Variants in MACF1 observed in about 807,000 individuals in gnomAD.
MACF1 encodes the protein microtubule-actin cross-linking factor 1.
A neutral mutation model predicts 854.8 loss-of-function variants in MACF1; 193 were observed. The observed-to-expected ratio is 0.23, with a 90% CI of 0.20 to 0.25. The LOEUF (loss-of-function observed/expected upper bound fraction) is 0.25. Among genes scored for constraint, MACF1 ranks in the 10% least tolerant of loss-of-function variants. The probability of loss-of-function intolerance (pLI) is 1.00; values close to 1 mark genes in which losing one functional copy is unlikely to be tolerated. For synonymous variants in MACF1, 3,185 were observed against 3,226.7 expected, an observed-to-expected ratio of 0.99 and a Z score of 0.44; for missense variants, 7,722 against 8,929.1, an observed-to-expected ratio of 0.86 and a Z score of 5.45.
chr1:39,465,047 T>C (rs766781228), intron 94 of MACF1, 48 bp from the exon 95 acceptor site: 22 of 1,572,220 alleles, frequency 1.4e-5, no homozygotes, highest in Non-Finnish European at 1.7e-5. Flanking sequence ...AATGTTCTCT[T>C]TTTTTTTCCC....
Position 39,333,803 on chromosome 1 carries a change from G to C in MACF1, c.7215G>C (p.Gln2405His). 1 of 1,614,198 alleles carries C rather than the reference G, an allele frequency of 6.2e-7. No homozygotes were observed. Among genetic ancestry groups the C allele is most frequent in the Non-Finnish European group, 8.5e-7 (1 of 1,180,028 alleles). The change falls in exon 37 of 101, where the codon CAG becomes CAC. Residue 2405 changes from glutamine to histidine, a missense_variant. Gln to His is a conservative substitution (Grantham distance 24). Around this residue, in one of 15 missense-constraint regions of MACF1, gnomAD observed 1,531 missense variants for 1,601.6 expected, o/e 0.96. Coordinates refer to ENST00000564288, the MANE Select transcript of MACF1 (RefSeq NM_001394062.1). ...KETATRILER[Q>H]VVTGGIIDLK... ...CAGCCACCAGAATTTTAGAGAGGCA[G>C]GTGGTGACTGGTGGAATTATTGATC... is the stretch of plus-strand genomic sequence containing the variant.
At position 39,311,056 on chromosome 1, in the gene MACF1, A is replaced by G. The variant is rs1646289740; in HGVS notation, c.3270+56A>G. ...TGTGGAGTGAATGCTTTCAGAGTTC[A>G]TTGGATGGCAAGAGTATGGCACCTA... On this transcript the variant is annotated intron_variant, in intron 26 of 100. Coordinates refer to ENST00000564288, the MANE Select transcript of MACF1 (RefSeq NM_001394062.1). 2.6e-6 allele frequency: 4 copies of G among 1,563,830 alleles called. No individual in the cohort carries two copies. In the South Asian group the frequency reaches 4.8e-5, roughly 19 times the overall value.
At chr1:39,415,653 G>A (rs1342235937) in intron 58 of MACF1, among the ~76,000 whole-genome samples, 9 of 151,724 alleles carry the variant, frequency 5.9e-5, no homozygotes, top group East Asian at 5.8e-4. Context: ...GAGCCACCGC[G>A]CCCAGCCGGC....
rs370428200 is a variant in MACF1 at position 39,387,996 on chromosome 1, C to T, written c.15154C>T (p.Leu5052=). Reference sequence around the variant, plus strand: ...CTGTAGCAACAAGAACCTGGAGAAGCTAAGAGCTCAACAGGAAGTGCTGCA... The same window carrying T: ...CTGTAGCAACAAGAACCTGGAGAAGTTAAGAGCTCAACAGGAAGTGCTGCA... ...QACSNKNLEK[L]RAQQEVLQAL... is the part of the protein sequence containing the mutation. The change falls in exon 58 of 101, where the codon CTA becomes TTA. Residue 5052 remains leucine, a synonymous_variant. Transcript: ENST00000564288. 6.2e-7 allele frequency: 1 copy of T among 1,614,026 alleles called. No homozygotes were observed. Among genetic ancestry groups the T allele is most frequent in the African/African-American group, 1.3e-5 (1 of 74,992 alleles).
intron 6 of MACF1, among the ~76,000 whole-genome samples, chr1:39,271,414 G>C (rs559900653): frequency 2.0e-5 from 3 of 152,062 alleles, no homozygotes; most frequent in Non-Finnish European, 4.4e-5. Flanking sequence ...CAGCACCAAG[G>C]GGATGGTGCT....
intron 44 of MACF1, among the ~76,000 whole-genome samples, chr1:39,355,894 G>T (rs1647517719): frequency 6.6e-6 from 1 of 152,004 alleles, no homozygotes; most frequent in South Asian, 2.1e-4. Flanking sequence ...AGACAGTCTT[G>T]CTATGTTGTT....
At position 39,105,394 on chromosome 1, in the gene MACF1, C is replaced by A. The variant is rs1009696231; in HGVS notation, c.220+20956C>A. On this transcript the variant is annotated intron_variant, in intron 2 of 93. Coordinates refer to the MACF1 transcript ENST00000361689. This position sits in a 1 kb window ranked among gnomAD's most constrained non-coding sequence, Gnocchi z 5.9. ...GAGGAGCGGAGCCGAGGGGTGAGGACGCGGAAACGCGAGCCGGGACCGGCG... is the reference window on the plus strand; with the variant it reads ...GAGGAGCGGAGCCGAGGGGTGAGGAAGCGGAAACGCGAGCCGGGACCGGCG... The A allele has an allele frequency of 6.1e-6, 6 of 986,738 alleles. No individual in the cohort carries two copies. Among genetic ancestry groups the A allele is most frequent in the Non-Finnish European group, 7.2e-6 (6 of 831,916 alleles). 61.1% of individuals were successfully genotyped at this position (986,738 alleles called of 1,614,324 possible).
At chr1:39,095,747 T>C (rs1641921828) in intron 2 of MACF1, among the ~76,000 whole-genome samples, 1 of 150,360 alleles carries the variant, frequency 6.7e-6, no homozygotes, top group South Asian at 2.1e-4. Context: ...TGGTGGTGCA[T>C]GCCTGTAGTC....
chr1:39,418,574 A>G (rs962527898), intron 58 of MACF1, among the ~76,000 whole-genome samples: 1 of 152,252 alleles, frequency 6.6e-6, no homozygotes, highest in Non-Finnish European at 1.5e-5. Flanking sequence ...GAAAAATGCA[A>G]TAACAAGGCT....
intron 35 of MACF1, among the ~76,000 whole-genome samples, chr1:39,326,680 CAAAAA>C (rs57108021): frequency 1.4e-5 from 1 of 72,748 alleles, no homozygotes; most frequent in Non-Finnish European, 2.6e-5. Context: ...GACTCCATCT[CAAAAA>C]AAAAAAAAAA....
chr1:39,434,334 A>T (rs913808877), intron 68 of MACF1, 80 bp from the exon 69 acceptor site: 7 of 611,908 alleles, frequency 1.1e-5, no homozygotes, highest in Non-Finnish European at 1.9e-5. Context: ...AGACTTTTTA[A>T]TGTATATATA....
intron 53 of MACF1, 34 bp downstream of exon 53, chr1:39,378,557 G>C: frequency 1.3e-6 from 2 of 1,586,172 alleles, no homozygotes; most frequent in Non-Finnish European, 1.7e-6. Context: ...CTTCTTTGTT[G>C]GATGTGTTAG....
chr1:39,279,903 T>C (rs34936641), intron 6 of MACF1, among the ~76,000 whole-genome samples: 3 of 152,154 alleles, frequency 2.0e-5, no homozygotes, highest in Non-Finnish European at 4.4e-5. Flanking sequence ...TAAAGTGTGG[T>C]CATTACTCGA....
chr1:39,479,739 C>G, intron 97 of MACF1, 59 bp from the exon 98 acceptor site: 2 of 1,491,680 alleles, frequency 1.3e-6, no homozygotes, highest in Non-Finnish European at 1.9e-6. Flanking sequence ...GCTGTATAAC[C>G]GTCAAAAATA....
At chr1:39,459,851 G>T in intron 91 of MACF1, 1 of 1,303,786 alleles carries the variant, frequency 7.7e-7, no homozygotes, top group Admixed American at 2.3e-5. Context: ...TCTGTGTTTT[G>T]TTTATTTTTT....
chr1:39,272,792 T>A (rs1645349929), intron 6 of MACF1, among the ~76,000 whole-genome samples: 2 of 152,208 alleles, frequency 1.3e-5, no homozygotes, highest in South Asian at 4.1e-4. Context: ...TTAATACTTC[T>A]TTTGTCAAGA....
chr1:39,456,666 A>G (rs1237685767), intron 89 of MACF1: 1 of 151,882 alleles, frequency 6.6e-6, no homozygotes, highest in African/African-American at 2.4e-5. Context: ...TCTCTCCTCT[A>G]TGTCTTCAGT....
chr1:39,410,409 T>C (rs1642936186), intron 58 of MACF1: 1 of 1,613,906 alleles, frequency 6.2e-7, no homozygotes, highest in African/African-American at 1.3e-5. Flanking sequence ...ATGAGCAAAT[T>C]GACCAGGGGT....
intron 58 of MACF1, among the ~76,000 whole-genome samples, chr1:39,418,610 C>T (rs1276428401): frequency 6.6e-6 from 1 of 152,252 alleles, no homozygotes; most frequent in Non-Finnish European, 1.5e-5. Context: ...TGCCTGTAAT[C>T]CTAGCACTTT....
Sources: gnomAD v4.1 joint callset for allele counts (sites outside exome capture counted in the v4.1 genomes callset) on GRCh38, gnomAD v4.1.1 for gene constraint, gnomAD v4.1.1 regional missense constraint, Gnocchi (gnomAD v3.1) non-coding constraint, MANE v1.5 for transcripts, NCBI Gene and HGNC (gene_info 2026-07-23, HGNC 2026-07-21) for gene names.